The following RYR3 variants were observed in gnomAD, a reference collection of about 807,000 sequenced individuals.
RYR3 encodes brain ryanodine receptor-calcium release channel.
RYR3 carries 207 observed loss-of-function variants against 584.3 expected under a neutral mutation model. The ratio of observed to expected loss-of-function variants is 0.35; its 90% CI spans 0.32 to 0.40. The LOEUF is 0.40. Ranked by LOEUF, RYR3 falls within the 10% of genes least tolerant of loss-of-function variation. RYR3 has a pLI of 1.00. For synonymous variants in RYR3, 2,416 were observed against 2,248.5 expected (o/e 1.07, Z -2.11); for missense variants, 5,616 against 6,089.2 (o/e 0.92, Z 2.59).
At chr15:33,653,975 T>C (rs192556667) in intron 32 of RYR3, among the ~76,000 whole-genome samples, 50 of 152,322 alleles carry the variant, frequency 3.3e-4, no homozygotes, top group Admixed American at 7.8e-4. Context: ...AAAAGCACTT[T>C]TTTTAATTTT....
At chr15:33,565,522 AG>A (rs2057668149) in intron 11 of RYR3, among the ~76,000 whole-genome samples, 1 of 152,200 alleles carries the variant, frequency 6.6e-6, no homozygotes, top group Non-Finnish European at 1.5e-5. Context: ...AAGGAAAGTA[AG>A]TTGTTTCTTT....
chr15:33,691,903 C>T (rs758080465), intron 38 of RYR3, among the ~76,000 whole-genome samples: 2 of 152,210 alleles, frequency 1.3e-5, no homozygotes, highest in East Asian at 1.9e-4. Context: ...ATTGCTTTTG[C>T]ACCATCAGTG....
chr15:33,637,954 C>T (rs919399728), intron 27 of RYR3, among the ~76,000 whole-genome samples: 2 of 152,040 alleles, frequency 1.3e-5, no homozygotes, highest in Admixed American at 1.3e-4. Flanking sequence ...CCTCCCCGCT[C>T]CCCCCATCCC....
At chr15:33,543,378 T>C (rs547536982) in intron 7 of RYR3, among the ~76,000 whole-genome samples, 1 of 152,294 alleles carries the variant, frequency 6.6e-6, no homozygotes, top group South Asian at 2.1e-4. Flanking sequence ...TATTTTCACC[T>C]TACCTTTTGA....
chr15:33,861,671 TGGGTCTTGTCAAA>T (rs926956746), intron 102 of RYR3, among the ~76,000 whole-genome samples: 1 of 152,192 alleles, frequency 6.6e-6, no homozygotes. Flanking sequence ...ATCATAATAT[TGGGTCTTGTCAAA>T]GGGGCCTGTA....
intron 65 of RYR3, among the ~76,000 whole-genome samples, chr15:33,783,221 C>G (rs1385410945): frequency 1.3e-5 from 2 of 152,112 alleles, no homozygotes; most frequent in Non-Finnish European, 2.9e-5. Context: ...GGAGTGAGGC[C>G]CAGGAATTTG....
intron 102 of RYR3, among the ~76,000 whole-genome samples, chr15:33,862,626 T>C (rs1318977150): frequency 6.6e-6 from 1 of 152,144 alleles, no homozygotes; most frequent in African/African-American, 2.4e-5. Context: ...TTTTGTTTTT[T>C]TATTTATTGA....
At chr15:33,600,094 A>G (rs1460886211) in intron 16 of RYR3, among the ~76,000 whole-genome samples, 1 of 152,222 alleles carries the variant, frequency 6.6e-6, no homozygotes, top group Non-Finnish European at 1.5e-5. Flanking sequence ...AAGTTTCCAC[A>G]GTTGATGTCT....
chr15:33,729,163 T>C, intron 47 of RYR3, 137 bp downstream of exon 47: 3 of 740,988 alleles, frequency 4.0e-6, no homozygotes, highest in Non-Finnish European at 6.5e-6. Flanking sequence ...AAAATAGAGG[T>C]ATCATGAAAT....
At chr15:33,791,766 G>A (rs1393662059) in intron 67 of RYR3, among the ~76,000 whole-genome samples, 1 of 152,162 alleles carries the variant, frequency 6.6e-6, no homozygotes, top group African/African-American at 2.4e-5. Flanking sequence ...ACAGGCTAGG[G>A]AGTTAAGGGT....
chr15:33,508,189 T>C (rs2052639692), intron 3 of RYR3, among the ~76,000 whole-genome samples: 1 of 152,142 alleles, frequency 6.6e-6, no homozygotes, highest in Admixed American at 6.5e-5. Flanking sequence ...CGAAGAGAGA[T>C]GAAATATAAA....
rs1348035104 is a variant in RYR3 at position 33,530,273 on chromosome 15, T to G, written c.280-319T>G. Reference sequence around the variant, plus strand: ...TCTCACTCTGAACGCTTCTGAGAAGTTTCAAAGGAAGGTAAGCAGTACCTA... The same window carrying G: ...TCTCACTCTGAACGCTTCTGAGAAGGTTCAAAGGAAGGTAAGCAGTACCTA... On this transcript the variant is annotated intron_variant, in intron 3 of 103. Coordinates refer to ENST00000634891, the MANE Select transcript of RYR3 (RefSeq NM_001036.6). 4.6e-5 allele frequency among the ~76,000 whole-genome samples: 7 copies of G among 152,232 alleles called. No individual in the cohort carries two copies. The South Asian group carries it at 1.5e-3, about 32-fold the overall frequency.
intron 101 of RYR3, among the ~76,000 whole-genome samples, 149 bp from the exon 102 acceptor site, chr15:33,860,924 TAGCCA>T (rs1567355877): frequency 8.3e-6 from 1 of 120,700 alleles, no homozygotes; most frequent in African/African-American, 3.6e-5. Context: ...GAATGACTAA[TAGCCA>T]ATGTATGGCA....
At chr15:33,769,019 G>T (rs1038904192) in intron 61 of RYR3, 93 bp from the exon 62 acceptor site, 2 of 939,542 alleles carry the variant, frequency 2.1e-6, no homozygotes, top group Non-Finnish European at 1.8e-6. Context: ...AGTTAATTAC[G>T]CTGGGGCTGT....
At chr15:33,703,460 C>T (rs2066452901) in intron 42 of RYR3, among the ~76,000 whole-genome samples, 2 of 152,188 alleles carry the variant, frequency 1.3e-5, no homozygotes, top group Admixed American at 1.3e-4. Context: ...TTGCAGATGG[C>T]CACTGTTTTG....
intron 12 of RYR3, among the ~76,000 whole-genome samples, chr15:33,573,064 T>G (rs1430416842): frequency 6.6e-6 from 1 of 152,206 alleles, no homozygotes; most frequent in Non-Finnish European, 1.5e-5. Context: ...GAGATTGTTA[T>G]TTTGAATGAT....
At chr15:33,666,709 A>G (rs1336393592) in intron 36 of RYR3, among the ~76,000 whole-genome samples, 1 of 152,214 alleles carries the variant, frequency 6.6e-6, no homozygotes, top group Non-Finnish European at 1.5e-5. Context: ...AAAATGGGGG[A>G]TATAACTAAG....
chr15:33,726,393 A>G lies in RYR3; in HGVS notation c.6920A>G (p.Gln2307Arg), dbSNP rs200622913. 3.2e-5 allele frequency: 52 copies of G among 1,613,130 alleles called. No individual in the cohort carries two copies. The African/African-American group carries it at 6.8e-4, about 21-fold the overall frequency. ...CTCAACCCTATCTTCCAGCTCATCCAGACAGGAAAGGGGGAAGCCATCCGC... is the reference window on the plus strand; with the variant it reads ...CTCAACCCTATCTTCCAGCTCATCCGGACAGGAAAGGGGGAAGCCATCCGC... Reference protein sequence around the residue: ...GRCAPEMHLIQTGKGEAIRIR... With the variant: ...GRCAPEMHLIRTGKGEAIRIR... Residue 2307 changes from glutamine to arginine, a missense_variant, in exon 46 of 104, where the codon CAG becomes CGG. Physicochemically the swap from Gln to Arg is conservative, Grantham distance 43. Coordinates refer to ENST00000634891, the MANE Select transcript of RYR3 (RefSeq NM_001036.6).
At chr15:33,510,188 G>A (rs1214868532) in intron 3 of RYR3, among the ~76,000 whole-genome samples, 1 of 152,176 alleles carries the variant, frequency 6.6e-6, no homozygotes, top group Admixed American at 6.5e-5. Context: ...GACAAAGCTG[G>A]GTGTTTGGAG....
Sources: allele counts gnomAD v4.1 joint callset (sites outside exome capture counted in the v4.1 genomes callset), GRCh38; gene constraint gnomAD v4.1.1; transcripts MANE v1.5; gene names NCBI Gene and HGNC (gene_info 2026-07-23, HGNC 2026-07-21).